Variants in RAB3C observed in about 807,000 individuals in gnomAD.
RAB3C encodes the protein RAB3C, member RAS oncogene family, also known as ras-related protein Rab-3C.
RAB3C carries 17 observed loss-of-function variants against 26.4 expected under a neutral mutation model. The ratio of observed to expected loss-of-function variants is 0.64; its 90% confidence interval spans 0.44 to 0.97. The LOEUF is 0.97. RAB3C is among the 50% of genes least tolerant of loss of function. RAB3C has a pLI of 0.00. For missense variants in RAB3C, 242 were observed against 281.9 expected, an observed-to-expected ratio of 0.86 and a Z score of 1.01; for synonymous variants, 91 against 95.9, an observed-to-expected ratio of 0.95 and a Z score of 0.30.
chr5:58,843,880 A>G (rs191643720), intron 4 of RAB3C, among the ~76,000 whole-genome samples: 18 of 152,138 alleles, frequency 1.2e-4, no homozygotes, highest in African/African-American at 4.3e-4. Context: ...TTCCCCATTA[A>G]CCCCACTACT....
intron 2 of RAB3C, among the ~76,000 whole-genome samples, chr5:58,639,848 G>C (rs868585857): frequency 1.3e-5 from 2 of 152,106 alleles, no homozygotes; most frequent in South Asian, 4.1e-4. Context: ...TCTGTTAACT[G>C]TGCTTGGATG....
At chr5:58,742,541 T>C (rs1741298232) in intron 3 of RAB3C, among the ~76,000 whole-genome samples, 1 of 152,188 alleles carries the variant, frequency 6.6e-6, no homozygotes, top group Non-Finnish European at 1.5e-5. Flanking sequence ...AAACTAGCTG[T>C]GCTCTCCACC....
chr5:58,794,904 T>G (rs765195542), intron 3 of RAB3C, among the ~76,000 whole-genome samples: 4 of 152,256 alleles, frequency 2.6e-5, no homozygotes, highest in Admixed American at 2.0e-4. Context: ...CCCAGGAATC[T>G]GCATTGCTAA....
At chr5:58,734,328 G>T (rs1398163485) in intron 3 of RAB3C, among the ~76,000 whole-genome samples, 1 of 152,030 alleles carries the variant, frequency 6.6e-6, no homozygotes, top group Non-Finnish European at 1.5e-5. Flanking sequence ...CAATTGCTAA[G>T]CCTCTGTTCA....
At chr5:58,784,815 G>C (rs115392132) in intron 3 of RAB3C, 3,725 of 152,334 alleles carry the variant, frequency 0.024, 76 homozygotes, top group Non-Finnish European at 0.038. Context: ...GGCTGTGTGA[G>C]ATGCAGGTCT....
intron 1 of RAB3C, among the ~76,000 whole-genome samples, chr5:58,591,586 G>GTATATATA (rs36004499): frequency 1.3e-3 from 64 of 49,572 alleles, no homozygotes; most frequent in African/African-American, 4.8e-3. Context: ...TATTTTCATA[G>GTATATATA]TATATATATA....
intron 2 of RAB3C, among the ~76,000 whole-genome samples, chr5:58,671,081 C>T (rs112241088): frequency 2.0e-5 from 3 of 152,214 alleles, no homozygotes; most frequent in African/African-American, 4.8e-5. Flanking sequence ...CCTCTCAGGT[C>T]CCAGGTGATG....
intron 3 of RAB3C, among the ~76,000 whole-genome samples, chr5:58,815,403 A>C (rs1235845437): frequency 6.6e-6 from 1 of 152,182 alleles, no homozygotes; most frequent in Non-Finnish European, 1.5e-5. Context: ...GTAACTCCTA[A>C]GATATCCTCA....
At chr5:58,830,519 A>G (rs2662389) in intron 4 of RAB3C, among the ~76,000 whole-genome samples, 2 of 151,902 alleles carry the variant, frequency 1.3e-5, no homozygotes, top group Non-Finnish European at 2.9e-5. Context: ...ACCTAGCCAG[A>G]AAAGTGGATT....
At chr5:58,672,613 G>A (rs1216440989) in intron 2 of RAB3C, among the ~76,000 whole-genome samples, 1 of 152,028 alleles carries the variant, frequency 6.6e-6, no homozygotes, top group East Asian at 1.9e-4. Flanking sequence ...CTGGTTGGTT[G>A]GTTGTTTTTT....
rs1278319108 is a variant in RAB3C at position 58,856,492 on chromosome 5, C to G, written c.*5141C>G. 1 of 152,130 alleles carries G rather than the reference C, an allele frequency of 6.6e-6. No homozygotes were observed. Among genetic ancestry groups the G allele is most frequent in the Non-Finnish European group, 1.5e-5 (1 of 68,020 alleles). 9.4% of individuals were successfully genotyped at this position (152,130 alleles called of 1,614,324 possible). A position where few individuals can be genotyped will look rare whatever the true frequency, so the allele number is the denominator to read the frequency against. On this transcript the variant is annotated 3_prime_UTR_variant, in exon 5 of 5. Transcript: ENST00000282878. ...AGGACCAAGAATAGAAAATGAGACTCAAATTTCACCATTTACTTCCCATCA... is the reference window on the plus strand; with the variant it reads ...AGGACCAAGAATAGAAAATGAGACTGAAATTTCACCATTTACTTCCCATCA...
Position 58,653,754 on chromosome 5 carries a change from G to A in RAB3C, c.252+35884G>A, listed in dbSNP as rs572002005. Among the ~76,000 whole-genome samples the A allele has an allele frequency of 2.0e-4, 31 of 152,262 alleles. No homozygotes were observed. In the South Asian group the frequency reaches 5.2e-3, roughly 25 times the overall value. Reference sequence around the variant, plus strand: ...CATTTATTTGGTGATGGCCACTGAAGCACATGAGAGATACAGGAACTAGTA... The same window carrying A: ...CATTTATTTGGTGATGGCCACTGAAACACATGAGAGATACAGGAACTAGTA... On this transcript the variant is annotated intron_variant, in intron 2 of 4. Transcript: ENST00000282878.
At chr5:58,835,719 TTTTA>T (rs1743732244) in intron 4 of RAB3C, among the ~76,000 whole-genome samples, 2 of 152,266 alleles carry the variant, frequency 1.3e-5, no homozygotes, top group African/African-American at 4.8e-5. Flanking sequence ...CAGCTTCATT[TTTTA>T]TTTGTTTTTC....
intron 3 of RAB3C, among the ~76,000 whole-genome samples, chr5:58,791,837 A>G (rs1222010294): frequency 6.6e-6 from 1 of 152,242 alleles, no homozygotes; most frequent in Non-Finnish European, 1.5e-5. Flanking sequence ...GAAACTCTAA[A>G]AAGTGAGAAT....
chr5:58,619,008 A>G lies in RAB3C; in HGVS notation c.252+1138A>G, dbSNP rs548028688. On this transcript the variant is annotated intron_variant, in intron 2 of 4. Transcript: ENST00000282878. The stretch of plus-strand genomic sequence containing the variant: ...GATTTTAACTTTTTTAAAAAAGAAA[A>G]CAGCCCTTTATTTAAAAATCTGTAT... Among the ~76,000 whole-genome samples the G allele has an allele frequency of 2.6e-5, 4 of 152,326 alleles. No individual in the cohort carries two copies. In the South Asian group the frequency reaches 8.3e-4, roughly 32 times the overall value.
intron 1 of RAB3C, among the ~76,000 whole-genome samples, chr5:58,594,886 A>G (rs1401169267): frequency 8.0e-6 from 1 of 125,258 alleles, no homozygotes; most frequent in African/African-American, 2.9e-5. Context: ...GGGAATTTTT[A>G]GAGTACCTTA....
intron 2 of RAB3C, among the ~76,000 whole-genome samples, chr5:58,648,862 TCTC>T (rs1212444187): frequency 1.3e-5 from 2 of 152,146 alleles, no homozygotes; most frequent in African/African-American, 4.8e-5. Context: ...GGGGGACAGT[TCTC>T]CTGAGCAGCC....
At chr5:58,660,676 G>A (rs1747886824) in intron 2 of RAB3C, among the ~76,000 whole-genome samples, 1 of 150,316 alleles carries the variant, frequency 6.7e-6, no homozygotes, top group South Asian at 2.1e-4. Context: ...TGACTTAAAG[G>A]AATATATGGT....
intron 4 of RAB3C, among the ~76,000 whole-genome samples, chr5:58,826,693 AC>A (rs1743489541): frequency 6.6e-6 from 1 of 152,200 alleles, no homozygotes; most frequent in Non-Finnish European, 1.5e-5. Flanking sequence ...TTTCTGTCTT[AC>A]TTTTCTTTCT....
Sources: allele counts gnomAD v4.1 joint callset (sites outside exome capture counted in the v4.1 genomes callset), GRCh38; gene constraint gnomAD v4.1.1; transcripts MANE v1.5; gene names NCBI Gene and HGNC (gene_info 2026-07-23, HGNC 2026-07-21).